NLGN1: variants seen among roughly 807,000 people sequenced by gnomAD.
The protein encoded by NLGN1 is neuroligin 1.
Under a neutral mutation model 65.5 loss-of-function variants are expected in NLGN1, and 12 were observed. That is an observed-to-expected ratio of 0.18 (90% confidence interval 0.12 to 0.30). The LOEUF (loss-of-function observed/expected upper bound fraction) is 0.30. Ranked by LOEUF, NLGN1 falls within the 10% of genes least tolerant of loss-of-function variation. The pLI, the probability that NLGN1 is intolerant of heterozygous loss-of-function variation, is 1.00. For missense variants in NLGN1, 750 were observed against 1,007.1 expected, an observed-to-expected ratio of 0.74 and a Z score of 3.46; for synonymous variants, 350 against 359.5, an observed-to-expected ratio of 0.97 and a Z score of 0.30.
chr3:173,772,813 T>C (rs1007267685), intron 3 of NLGN1, among the ~76,000 whole-genome samples: 2 of 152,036 alleles, frequency 1.3e-5, no homozygotes, highest in African/African-American at 4.8e-5. Flanking sequence ...ATTCACTGAG[T>C]GTATTATTTT....
rs1209544303 is a variant in NLGN1, at chr3:173,439,062, A to G, written c.-321+3984A>G. On this transcript the variant is annotated intron_variant, in intron 2 of 6. Transcript: ENST00000457714. ...CTCATATTAAATTCCTCTCTTGGAT[A>G]TTAGCAATCTGGATTAGCATATTTA... Among the ~76,000 whole-genome samples the G allele has an allele frequency of 2.6e-5, 4 of 152,322 alleles. No individual in the cohort carries two copies. In the East Asian group the frequency reaches 7.7e-4, roughly 29 times the overall value.
intron 4 of NLGN1, among the ~76,000 whole-genome samples, chr3:174,008,905 A>C (rs2152437438): frequency 6.6e-6 from 1 of 152,284 alleles, no homozygotes; most frequent in East Asian, 1.9e-4. Context: ...TCATTCATTT[A>C]ACAGTATTGA....
At chr3:173,537,992 A>G (rs569911995) in intron 2 of NLGN1, among the ~76,000 whole-genome samples, 87 of 152,302 alleles carry the variant, frequency 5.7e-4, no homozygotes, top group Middle Eastern at 3.4e-3. Flanking sequence ...TTCCAGGTCA[A>G]TGGAATAATT....
chr3:174,014,584 G>GT (rs1294271503), intron 4 of NLGN1, among the ~76,000 whole-genome samples: 4 of 152,156 alleles, frequency 2.6e-5, no homozygotes, highest in African/African-American at 4.8e-5. Context: ...CTCTTTGCAT[G>GT]TATCTCATTC....
At chr3:174,044,304 G>A (rs999763905) in intron 4 of NLGN1, among the ~76,000 whole-genome samples, 14 of 152,104 alleles carry the variant, frequency 9.2e-5, no homozygotes, top group Non-Finnish European at 1.3e-4. Flanking sequence ...CATTACTTAC[G>A]CAAATTTCTC....
intron 4 of NLGN1, among the ~76,000 whole-genome samples, chr3:174,067,871 A>C (rs933532194): frequency 3.9e-5 from 6 of 152,182 alleles, no homozygotes; most frequent in Admixed American, 3.9e-4. Flanking sequence ...TCAAGTACAG[A>C]GAATTGTCTT....
At chr3:174,281,799 A>T (rs1361118202) in exon 7 of NLGN1, 1 of 153,180 alleles carries the variant, frequency 6.5e-6, no homozygotes, top group Non-Finnish European at 1.5e-5. Flanking sequence ...GCAAAGGCTC[A>T]TGCTGAAATT....
At chr3:173,918,136 G>C (rs1447717283) in intron 4 of NLGN1, among the ~76,000 whole-genome samples, 1 of 152,092 alleles carries the variant, frequency 6.6e-6, no homozygotes, top group Non-Finnish European at 1.5e-5. Flanking sequence ...TTTATTAATA[G>C]AAGTAATGCA....
intron 3 of NLGN1, among the ~76,000 whole-genome samples, chr3:173,616,426 A>G (rs557934180): frequency 8.8e-4 from 134 of 152,224 alleles, no homozygotes; most frequent in Non-Finnish European, 1.5e-3. Flanking sequence ...TCAAAATGAG[A>G]GTTTTCACCA....
intron 4 of NLGN1, among the ~76,000 whole-genome samples, chr3:174,075,852 CT>C (rs1212875754): frequency 2.0e-5 from 3 of 152,064 alleles, no homozygotes; most frequent in African/African-American, 7.2e-5. Flanking sequence ...AATTTCATTG[CT>C]TTAATTAATT....
At chr3:173,408,772 C>T (rs1037762534) in intron 1 of NLGN1, among the ~76,000 whole-genome samples, 9 of 151,914 alleles carry the variant, frequency 5.9e-5, no homozygotes, top group South Asian at 4.2e-4. Flanking sequence ...ATTAGCTGGG[C>T]GTGGTGGCGG....
chr3:173,429,933 T>C (rs888007766), intron 1 of NLGN1, among the ~76,000 whole-genome samples: 5 of 152,204 alleles, frequency 3.3e-5, no homozygotes, highest in African/African-American at 1.2e-4. Flanking sequence ...AGATGAAGAA[T>C]AGCTGCTGAG....
At chr3:173,986,503 TG>T (rs1269302683) in intron 4 of NLGN1, among the ~76,000 whole-genome samples, 11 of 150,576 alleles carry the variant, frequency 7.3e-5, no homozygotes, top group African/African-American at 2.4e-4. Context: ...ATAAAAAGGA[TG>T]GGGGGAAATT....
At chr3:174,276,348 T>C (rs1750569981) in intron 5 of NLGN1, among the ~76,000 whole-genome samples, 1 of 151,944 alleles carries the variant, frequency 6.6e-6, no homozygotes, top group African/African-American at 2.4e-5. Context: ...CATTATTAAT[T>C]TGAAATTTCA....
chr3:173,704,587 T>C (rs1333651165), intron 3 of NLGN1, among the ~76,000 whole-genome samples: 1 of 152,214 alleles, frequency 6.6e-6, no homozygotes, highest in Non-Finnish European at 1.5e-5. Context: ...TTCAATATCA[T>C]TTTGAGAGAA....
chr3:173,680,089 G>A (rs1763762315), intron 3 of NLGN1, among the ~76,000 whole-genome samples: 1 of 152,066 alleles, frequency 6.6e-6, no homozygotes, highest in Admixed American at 6.6e-5. Context: ...ATATGTTAAG[G>A]CTAAAGAGAA....
At chr3:174,165,004 A>G (rs1727241543) in intron 4 of NLGN1, among the ~76,000 whole-genome samples, 1 of 152,062 alleles carries the variant, frequency 6.6e-6, no homozygotes, top group Non-Finnish European at 1.5e-5. Flanking sequence ...GATTTCTTAC[A>G]GCAGTGCTTT....
Position 174,045,023 on chromosome 3 carries a change from C to A in NLGN1, c.647-230292C>A, listed in dbSNP as rs569262957. On this transcript the variant is annotated intron_variant, in intron 4 of 6. Transcript: ENST00000457714. Reference sequence around the variant, plus strand: ...ATTGTGAGTCAATAAATTACCCATTCTTGGGCAGTCCTTTATAGCAGCATG... The same window carrying A: ...ATTGTGAGTCAATAAATTACCCATTATTGGGCAGTCCTTTATAGCAGCATG... Among the ~76,000 whole-genome samples the A allele has an allele frequency of 1.2e-4, 19 of 152,210 alleles. 1 individual carries two copies. In the South Asian group the frequency reaches 3.7e-3, roughly 30 times the overall value.
chr3:173,844,263 A>G (rs1725331289), intron 4 of NLGN1, among the ~76,000 whole-genome samples: 1 of 152,208 alleles, frequency 6.6e-6, no homozygotes, highest in Non-Finnish European at 1.5e-5. Context: ...GCCAAACTAT[A>G]TCACAGCCCT....
Sources: allele counts gnomAD v4.1 joint callset (sites outside exome capture counted in the v4.1 genomes callset), GRCh38; gene constraint gnomAD v4.1.1; transcripts MANE v1.5; gene names NCBI Gene and HGNC (gene_info 2026-07-23, HGNC 2026-07-21).